MYO16: variants seen among roughly 807,000 people sequenced by gnomAD.
The protein encoded by MYO16 is unconventional myosin-XVI.
MYO16 carries 94 observed loss-of-function variants against 205.3 expected under a neutral mutation model. The observed-to-expected ratio is 0.46, with a 90% CI of 0.39 to 0.54. The LOEUF (loss-of-function observed/expected upper bound fraction) is 0.54. MYO16 is among the 20% of genes least tolerant of loss of function. The probability of loss-of-function intolerance (pLI) is 0.00; values close to 1 mark genes in which losing one functional copy is unlikely to be tolerated. For synonymous variants in MYO16, 988 were observed against 954.0 expected, an observed-to-expected ratio of 1.04 and a Z score of -0.66; for missense variants, 2,315 against 2,387.5, an observed-to-expected ratio of 0.97 and a Z score of 0.63.
intron 32 of MYO16, among the ~76,000 whole-genome samples, chr13:109,146,797 A>G (rs1877354293): frequency 6.6e-6 from 1 of 151,960 alleles, no homozygotes. Flanking sequence ...CACTGCCCAG[A>G]AAGAAAGAAA....
At chr13:108,911,238 G>A (rs539126527) in intron 16 of MYO16, among the ~76,000 whole-genome samples, 1 of 152,102 alleles carries the variant, frequency 6.6e-6, no homozygotes, top group Non-Finnish European at 1.5e-5. Flanking sequence ...AGTTCTCTCT[G>A]CTTTGCTGTG....
At chr13:108,940,869 C>T (rs1214458717) in intron 16 of MYO16, among the ~76,000 whole-genome samples, 6 of 152,162 alleles carry the variant, frequency 3.9e-5, no homozygotes, top group Non-Finnish European at 5.9e-5. Flanking sequence ...AAATAGTTTA[C>T]TGTATGTATG....
the MYO16 span, among the ~76,000 whole-genome samples, chr13:108,545,880 C>T: frequency 6.6e-6 from 1 of 152,156 alleles, no homozygotes; most frequent in African/African-American, 2.4e-5. Context: ...ACAACCTCTC[C>T]TGTCTTTAGT....
chr13:108,533,607 G>A, the MYO16 span, among the ~76,000 whole-genome samples: 6 of 152,096 alleles, frequency 3.9e-5, no homozygotes, highest in Non-Finnish European at 8.8e-5. Context: ...GTGTCTTTGA[G>A]GACAATAGAA....
chr13:109,140,511 G>T lies in MYO16; in HGVS notation c.4299G>T (p.Val1433=), dbSNP rs753584082. The change falls in exon 32 of 35, where the codon GTG becomes GTT. Residue 1433 remains valine, a synonymous_variant. Transcript: ENST00000457511. The surrounding 1 kb of genome is among the most constrained non-coding windows in gnomAD (Gnocchi z 8.0). ...GTGACGAGGACGACAGCGAGCCTGT[G>T]TACATCGAGATGCTGGGGCACGCGG... The part of the protein sequence containing the change: ...PPGDEDDSEP[V]YIEMLGHAAR... The T allele has an allele frequency of 3.9e-6, 6 of 1,552,614 alleles. No individual in the cohort carries two copies. Among genetic ancestry groups the T allele is most frequent in the Non-Finnish European group, 4.3e-6 (5 of 1,157,480 alleles).
At position 109,023,709 on chromosome 13, in the gene MYO16, A is replaced by AT. The variant is rs1555325352; in HGVS notation, c.2796+3799dup. 4.0e-3 allele frequency among the ~76,000 whole-genome samples: 491 copies of AT among 124,096 alleles called. 11 individuals carry two copies. Among genetic ancestry groups the AT allele is most frequent in the East Asian group, 0.016 (69 of 4,258 alleles). The allele number at this position is 124,096 out of a possible 152,430, so 81.4% of individuals were successfully genotyped here. ...TACATATATATGTATATATGTATAT[A>AT]TACAAATATATGTATATATGCATAT... On this transcript the variant is annotated intron_variant, in intron 23 of 34. Transcript: ENST00000457511.
intron 21 of MYO16, among the ~76,000 whole-genome samples, chr13:109,007,337 G>A (rs554803360): frequency 1.3e-5 from 2 of 151,758 alleles, no homozygotes; most frequent in South Asian, 2.1e-4. Flanking sequence ...GCAGTGAGCC[G>A]AGATGGCGCC....
At chr13:108,908,216 T>A (rs1374328234) in intron 15 of MYO16, among the ~76,000 whole-genome samples, 1 of 152,218 alleles carries the variant, frequency 6.6e-6, no homozygotes, top group African/African-American at 2.4e-5. Flanking sequence ...AATTTTACCA[T>A]CACCTTTGGG....
chr13:108,684,922 C>T (rs1188190885), intron 2 of MYO16, among the ~76,000 whole-genome samples: 1 of 152,060 alleles, frequency 6.6e-6, no homozygotes, highest in East Asian at 1.9e-4. Flanking sequence ...GTTTTAGTAC[C>T]CTTTATAGTA....
chr13:108,549,977 C>T, the MYO16 span, among the ~76,000 whole-genome samples: 1 of 152,254 alleles, frequency 6.6e-6, no homozygotes, highest in Non-Finnish European at 1.5e-5. Flanking sequence ...GATTTCTGTC[C>T]TCCATGATCT....
At chr13:108,580,673 G>A in the MYO16 span, among the ~76,000 whole-genome samples, 7 of 152,208 alleles carry the variant, frequency 4.6e-5, no homozygotes, top group South Asian at 1.4e-3. Context: ...ACAGGAGAGT[G>A]CACTCTTGGT....
At chr13:108,889,523 G>A (rs1447682890) in intron 14 of MYO16, among the ~76,000 whole-genome samples, 1 of 152,188 alleles carries the variant, frequency 6.6e-6, no homozygotes, top group Non-Finnish European at 1.5e-5. Flanking sequence ...AAGGCCACTG[G>A]AAGGAATGGC....
chr13:108,943,673 A>T (rs1882823902), intron 16 of MYO16, among the ~76,000 whole-genome samples: 1 of 151,670 alleles, frequency 6.6e-6, no homozygotes, highest in South Asian at 2.1e-4. Context: ...CTGGTCTCGA[A>T]CTCCTGACCT....
At chr13:108,971,969 G>A (rs893382894) in intron 20 of MYO16, among the ~76,000 whole-genome samples, 11 of 151,532 alleles carry the variant, frequency 7.3e-5, no homozygotes, top group African/African-American at 1.5e-4. Flanking sequence ...GGAAGGCTGA[G>A]GTGGGTGGAT....
chr13:108,933,682 A>T (rs1031721284), intron 16 of MYO16, among the ~76,000 whole-genome samples: 1 of 152,082 alleles, frequency 6.6e-6, no homozygotes, highest in Non-Finnish European at 1.5e-5. Flanking sequence ...GGTTTGTGGT[A>T]CGAATGATCC....
At chr13:109,104,047 C>T (rs756228086) in intron 28 of MYO16, among the ~76,000 whole-genome samples, 10 of 152,218 alleles carry the variant, frequency 6.6e-5, no homozygotes, top group South Asian at 4.2e-4. Flanking sequence ...GGTAATGGAA[C>T]GTCACAGAGA....
chr13:109,121,054 G>GA (rs1244225055), intron 29 of MYO16, among the ~76,000 whole-genome samples: 1 of 151,692 alleles, frequency 6.6e-6, no homozygotes, highest in African/African-American at 2.4e-5. Flanking sequence ...ACCTCTAAAA[G>GA]AAAAAAAATC....
chr13:108,749,239 T>C (rs763386576), intron 4 of MYO16, among the ~76,000 whole-genome samples: 2 of 152,152 alleles, frequency 1.3e-5, no homozygotes, highest in African/African-American at 4.8e-5. Flanking sequence ...GTCACTATGA[T>C]ATGTAATCAA....
chr13:108,539,224 T>TA, the MYO16 span, among the ~76,000 whole-genome samples: 1 of 152,138 alleles, frequency 6.6e-6, no homozygotes, highest in Non-Finnish European at 1.5e-5. Context: ...TTAACGTTAA[T>TA]AATTTAATGC....
Sources: allele counts gnomAD v4.1 joint callset (sites outside exome capture counted in the v4.1 genomes callset), GRCh38; gene constraint gnomAD v4.1.1; non-coding constraint Gnocchi (gnomAD v3.1); transcripts MANE v1.5; gene names NCBI Gene and HGNC (gene_info 2026-07-23, HGNC 2026-07-21).